The following TEX14 variants were observed in gnomAD, a reference collection of about 807,000 sequenced individuals.
TEX14 encodes the protein inactive serine/threonine-protein kinase TEX14.
Under a neutral mutation model 178.6 loss-of-function variants are expected in TEX14, and 168 were observed. The observed-to-expected ratio is 0.94, with a 90% CI of 0.83 to 1.07. TEX14 has a LOEUF of 1.07. TEX14 is among the 50% of genes least tolerant of loss of function. The pLI, the probability that TEX14 is intolerant of heterozygous loss-of-function variation, is 0.00. For synonymous variants in TEX14, 626 were observed against 634.1 expected (o/e 0.99, Z 0.19); for missense variants, 1,730 against 1,753.6 (o/e 0.99, Z 0.24).
intron 2 of TEX14, 79 bp from the exon 3 acceptor site, chr17:58,630,633 C>T: frequency 1.0e-6 from 1 of 953,710 alleles, no homozygotes; most frequent in South Asian, 1.4e-5. Context: ...GGGGGAATTA[C>T]ATATTTTTAT....
Position 58,602,413 on chromosome 17 carries a change from T to C in TEX14, c.1514A>G (p.Lys505Arg). 2 of 1,613,084 alleles carry C rather than the reference T, an allele frequency of 1.2e-6. No homozygotes were observed. The highest frequency in any genetic ancestry group is 1.7e-6 in the Non-Finnish European group (2 of 1,179,380). Residue 505 changes from lysine to arginine, a missense_variant, in exon 12 of 32, where the codon AAG becomes AGG. Transcript: ENST00000349033. ...TTCAGGGCTTGCCTTTAAGTCATTCTTCAGAATATACCGGATATCTTGAAG... is the reference window on the plus strand; with the variant it reads ...TTCAGGGCTTGCCTTTAAGTCATTCCTCAGAATATACCGGATATCTTGAAG... Reference protein sequence around the residue: ...MNLQDIRYILKNDLKDFTGAQ... With the variant: ...MNLQDIRYILRNDLKDFTGAQ...
chr17:58,570,793 AT>A (rs1357085620), intron 24 of TEX14, among the ~76,000 whole-genome samples: 2 of 151,056 alleles, frequency 1.3e-5, no homozygotes, highest in African/African-American at 4.9e-5. Context: ...GCCCAGCCAA[AT>A]TTTTTTCTGT....
chr17:58,598,259 A>G (rs1234112691), intron 14 of TEX14, among the ~76,000 whole-genome samples: 3 of 151,096 alleles, frequency 2.0e-5, no homozygotes, highest in African/African-American at 7.3e-5. Flanking sequence ...GGTTGTGGTG[A>G]GCCAAGATCA....
intron 19 of TEX14, 102 bp downstream of exon 19, chr17:58,584,398 C>G: frequency 1.3e-6 from 1 of 788,156 alleles, no homozygotes; most frequent in Admixed American, 2.1e-5. Flanking sequence ...CCAAAAAGAA[C>G]TACTATAGCT....
intron 24 of TEX14, among the ~76,000 whole-genome samples, chr17:58,571,377 A>T (rs534591109): frequency 6.6e-6 from 1 of 151,886 alleles, no homozygotes; most frequent in African/African-American, 2.4e-5. Flanking sequence ...CTGAAACTAC[A>T]GGCACATGGC....
intron 15 of TEX14, among the ~76,000 whole-genome samples, chr17:58,589,081 A>T (rs757203277): frequency 9.2e-5 from 14 of 151,854 alleles, no homozygotes; most frequent in Admixed American, 2.0e-4. Context: ...CCTGGCCAAC[A>T]TGGTGAAAAC....
rs2044765475 is a variant in TEX14, at chr17:58,579,712, T to A, written c.3191A>T (p.Glu1064Val). Residue 1064 changes from glutamate to valine, a missense_variant, in exon 20 of 32, where the codon GAG (glutamate) becomes GTG (valine). Around this residue, in one of 2 missense-constraint regions of TEX14, gnomAD observed 941 missense variants for 1,072.4 expected, o/e 0.88. Coordinates refer to ENST00000349033, the MANE Select transcript of TEX14 (RefSeq NM_031272.5). ...TGCACCTTGTATTCCTTCAAAGTCC[T>A]CTTCTATGGGACTCGAGGTCTAAAA... ...KSYSTSSPIE[E>V]DFEGIQGAFA... The A allele has an allele frequency of 1.2e-6, 2 of 1,613,796 alleles. No homozygotes were observed. The highest frequency in any genetic ancestry group is 1.7e-6 in the Non-Finnish European group (2 of 1,179,894).
chr17:58,631,197 C>T (rs769258463), intron 2 of TEX14: 11 of 967,210 alleles, frequency 1.1e-5, no homozygotes, highest in Non-Finnish European at 1.4e-5. Flanking sequence ...CGCAGTGGCT[C>T]ACGCCTGTAA....
chr17:58,643,986 G>A (rs1458066941), intron 2 of TEX14, among the ~76,000 whole-genome samples: 1 of 143,156 alleles, frequency 7.0e-6, no homozygotes, highest in East Asian at 2.1e-4. Flanking sequence ...AGCCAGAGCA[G>A]CCATTTGAAA....
At chr17:58,587,749 A>G (rs2045013131) in intron 16 of TEX14, 83 bp from the exon 17 acceptor site, 1 of 1,196,502 alleles carries the variant, frequency 8.4e-7, no homozygotes, top group African/African-American at 1.5e-5. Context: ...GACAGAACCA[A>G]AAGCCCACCA....
Position 58,587,887 on chromosome 17 carries a change from G to A in TEX14, c.2702+9C>T. ...CCACCACCAGTTTCCAGCCCACAAG[G>A]ATCCTTACCTGGTAGAGTCCCAGTG... On this transcript the variant is annotated intron_variant, in intron 16 of 31. Coordinates refer to ENST00000349033, the MANE Select transcript of TEX14 (RefSeq NM_031272.5). 1 of 1,567,274 alleles carries A rather than the reference G, an allele frequency of 6.4e-7. No individual in the cohort carries two copies. Among genetic ancestry groups the A allele is most frequent in the Non-Finnish European group, 8.8e-7 (1 of 1,142,614 alleles).
intron 1 of TEX14, among the ~76,000 whole-genome samples, chr17:58,674,200 A>G (rs1300439996): frequency 6.6e-6 from 1 of 151,412 alleles, no homozygotes; most frequent in Non-Finnish European, 1.5e-5. Flanking sequence ...TGCTTGAACC[A>G]GGGAGGTGGA....
rs767485685 is a variant in TEX14, at chr17:58,599,122, C to A, written c.2223G>T (p.Met741Ile). 1.1e-5 allele frequency: 17 copies of A among 1,614,110 alleles called. No homozygotes were observed. The highest frequency in any genetic ancestry group is 1.4e-5 in the Non-Finnish European group (17 of 1,180,006). ...VLDLKIMQTI[M>I]HENDDRLRNI... The stretch of plus-strand genomic sequence containing the variant: ...TCCTCAGCCTATCATCATTCTCGTG[C>A]ATTATTGTCTGCATAATCTTTAGAT... The change falls in exon 14 of 32, where the codon ATG becomes ATT. Residue 741 changes from methionine (M) to isoleucine (I), a missense_variant. Transcript: ENST00000349033.
At chr17:58,623,476 A>G (rs2144554025) in intron 3 of TEX14, among the ~76,000 whole-genome samples, 1 of 152,294 alleles carries the variant, frequency 6.6e-6, no homozygotes, top group East Asian at 1.9e-4. Flanking sequence ...CAGCCCCCCA[A>G]GAAAATCCTG....
At chr17:58,617,454 A>G in intron 6 of TEX14, 84 bp downstream of exon 6, 3 of 946,456 alleles carry the variant, frequency 3.2e-6, no homozygotes, top group Non-Finnish European at 1.7e-6. Context: ...ATAAGGAGGC[A>G]GGAGTTGGAC....
intron 5 of TEX14, among the ~76,000 whole-genome samples, chr17:58,619,790 C>G (rs1428314164): frequency 7.9e-6 from 1 of 125,872 alleles, no homozygotes; most frequent in East Asian, 2.3e-4. Context: ...AGAGAAGACT[C>G]AGTCTCAAAA....
chr17:58,672,580 CGCGCCACCAG>C (rs1179674124), intron 1 of TEX14, among the ~76,000 whole-genome samples: 1 of 151,896 alleles, frequency 6.6e-6, no homozygotes, highest in African/African-American at 2.4e-5. Flanking sequence ...ATTATAGGCA[CGCGCCACCAG>C]GCCCAGCTAA....
chr17:58,589,191 A>G (rs1031112619), intron 15 of TEX14, among the ~76,000 whole-genome samples: 1 of 151,772 alleles, frequency 6.6e-6, no homozygotes, highest in Non-Finnish European at 1.5e-5. Context: ...TGAACCCGGG[A>G]GGCGGAGGTT....
rs1216088030 is a variant in TEX14 at position 58,593,545 on chromosome 17, G to A, written c.2576+10C>T. On this transcript the variant is annotated intron_variant, in intron 15 of 31. Coordinates refer to ENST00000349033, the MANE Select transcript of TEX14 (RefSeq NM_031272.5). ...ATAGTGACATTAAGAACAACAAAAT[G>A]TTGACCCACCTACTGGTATTTTGGA... 9 of 1,605,558 alleles carry A rather than the reference G, an allele frequency of 5.6e-6. No individual in the cohort carries two copies. Among genetic ancestry groups the A allele is most frequent in the Middle Eastern group, 1.6e-4 (1 of 6,074 alleles).
Sources: gnomAD v4.1 joint callset for allele counts (sites outside exome capture counted in the v4.1 genomes callset) on GRCh38, gnomAD v4.1.1 for gene constraint, gnomAD v4.1.1 regional missense constraint, MANE v1.5 for transcripts, NCBI Gene and HGNC (gene_info 2026-07-23, HGNC 2026-07-21) for gene names.